Variants in MGST2 observed in about 807,000 individuals in gnomAD.
The protein encoded by MGST2 is microsomal glutathione S-transferase 2, also known as glutathione peroxidase MGST2.
Under a neutral mutation model 16.6 loss-of-function variants are expected in MGST2, and 9 were observed. The ratio of observed to expected loss-of-function variants is 0.54; its 90% CI spans 0.33 to 0.95. The LOEUF (loss-of-function observed/expected upper bound fraction) is 0.95, where lower values mean the gene tolerates loss of function less well. MGST2 is among the 40% of genes least tolerant of loss of function. The pLI is 0.03. For missense variants in MGST2, 159 were observed against 175.1 expected, an observed-to-expected ratio of 0.91 and a Z score of 0.52; for synonymous variants, 79 against 68.0, an observed-to-expected ratio of 1.16 and a Z score of -0.79.
chr4:139,744,675 G>A (rs1729266559), downstream of MGST2, among the ~76,000 whole-genome samples: 1 of 152,194 alleles, frequency 6.6e-6, no homozygotes, highest in Non-Finnish European at 1.5e-5. Context: ...GGGCTATGGT[G>A]GGACTCTCAG....
chr4:139,721,555 T>C (rs574505481), intron 5 of MGST2, among the ~76,000 whole-genome samples: 1 of 152,348 alleles, frequency 6.6e-6, no homozygotes, highest in African/African-American at 2.4e-5. Flanking sequence ...AACTGAAGCA[T>C]GTTTTTGTCT....
chr4:139,691,891 G>T (rs911615946), intron 2 of MGST2, among the ~76,000 whole-genome samples: 2 of 151,992 alleles, frequency 1.3e-5, no homozygotes, highest in Admixed American at 1.3e-4. Context: ...AAGTAGAGAC[G>T]GGGTTTCACC....
At chr4:139,734,222 T>C (rs532725304) in intron 5 of MGST2, among the ~76,000 whole-genome samples, 7 of 152,316 alleles carry the variant, frequency 4.6e-5, no homozygotes, top group African/African-American at 1.4e-4. Context: ...TAATGAGAAA[T>C]AGTCTGTCAA....
At chr4:139,687,345 C>T (rs1311216254) in intron 2 of MGST2, among the ~76,000 whole-genome samples, 8 of 152,280 alleles carry the variant, frequency 5.3e-5, no homozygotes, top group Admixed American at 6.5e-5. Context: ...GATTCTAAGG[C>T]GTAGGATAAA....
At chr4:139,699,543 T>C (rs1727121692) in intron 3 of MGST2, among the ~76,000 whole-genome samples, 1 of 152,238 alleles carries the variant, frequency 6.6e-6, no homozygotes. Flanking sequence ...GTGAGTTTTG[T>C]CACATTGTCA....
At chr4:139,687,944 A>G (rs1215766848) in intron 2 of MGST2, among the ~76,000 whole-genome samples, 1 of 152,204 alleles carries the variant, frequency 6.6e-6, no homozygotes, top group Admixed American at 6.5e-5. Flanking sequence ...TTCACCAAGG[A>G]CCATTCCTTT....
chr4:139,730,698 G>GATT (rs1314121322), intron 5 of MGST2: 19 of 1,586,892 alleles, frequency 1.2e-5, no homozygotes, highest in Non-Finnish European at 1.6e-5. Flanking sequence ...GAGATGCAGG[G>GATT]ATTCCCCATA....
chr4:139,696,364 T>C (rs1262921459), intron 3 of MGST2, among the ~76,000 whole-genome samples: 2 of 152,240 alleles, frequency 1.3e-5, no homozygotes. Context: ...TTAGTTTCAG[T>C]GCTTGTATCA....
intron 5 of MGST2, among the ~76,000 whole-genome samples, chr4:139,712,525 A>C (rs1727781371): frequency 6.6e-6 from 1 of 152,218 alleles, no homozygotes; most frequent in African/African-American, 2.4e-5. Context: ...TTTTTCACAC[A>C]GGCATTTTAA....
intron 5 of MGST2, among the ~76,000 whole-genome samples, chr4:139,709,692 G>T (rs1291254207): frequency 3.3e-5 from 5 of 152,178 alleles, no homozygotes; most frequent in African/African-American, 7.2e-5. Context: ...AGAGTTAAAG[G>T]ATCTGAAGAG....
At chr4:139,671,371 TATC>T (rs1452064185) in intron 1 of MGST2, among the ~76,000 whole-genome samples, 1 of 152,130 alleles carries the variant, frequency 6.6e-6, no homozygotes, top group African/African-American at 2.4e-5. Context: ...AGGAGATTAT[TATC>T]TAGAGGTTTT....
At chr4:139,684,027 G>A (rs1731415641) in intron 2 of MGST2, among the ~76,000 whole-genome samples, 2 of 146,034 alleles carry the variant, frequency 1.4e-5, no homozygotes, top group Non-Finnish European at 3.0e-5. Context: ...CCAGGTTCAA[G>A]CAATTCTTGT....
rs781752940 is a variant in MGST2 at position 139,725,792 on chromosome 4, T to C, written c.*49-14420T>C. 8.3e-5 allele frequency: 134 copies of C among 1,614,006 alleles called. 1 individual carries two copies. The East Asian group carries it at 2.7e-3, about 32-fold the overall frequency. ...CTGCTGCACTGGGTATGGATTCCGC[T>C]GTGGCTGGAGGTGCTGCCGGGGTAG... On this transcript the variant is annotated intron_variant, in intron 5 of 5. Coordinates refer to the MGST2 transcript ENST00000616265.
intron 2 of MGST2, among the ~76,000 whole-genome samples, chr4:139,690,132 C>T (rs1346136713): frequency 1.3e-5 from 2 of 152,078 alleles, no homozygotes; most frequent in African/African-American, 4.8e-5. Flanking sequence ...GCTGGGACTA[C>T]AGGCACGCAC....
chr4:139,709,258 AT>A (rs1226237898), intron 5 of MGST2, among the ~76,000 whole-genome samples: 4 of 151,294 alleles, frequency 2.6e-5, no homozygotes, highest in African/African-American at 7.3e-5. Flanking sequence ...AATTTTTTGT[AT>A]TTTTTAGTAG....
rs76195730 is a variant in MGST2 at position 139,711,013 on chromosome 4, C to CT, written c.*48+6830dup. 6.6e-3 allele frequency among the ~76,000 whole-genome samples: 940 copies of CT among 141,568 alleles called. 6 individuals carry two copies. Among genetic ancestry groups the CT allele is most frequent in the African/African-American group, 0.02 (757 of 38,786 alleles). 92.9% of individuals were successfully genotyped at this position (141,568 alleles called of 152,430 possible). ...AAATAGGGGGCTCCTTTATTTTTCC[C>CT]TTTTTTTTTTTTTGTTTTGAGACAG... On this transcript the variant is annotated intron_variant, in intron 5 of 5. Coordinates refer to the MGST2 transcript ENST00000616265.
At chr4:139,670,936 G>A (rs1168989912) in intron 1 of MGST2, among the ~76,000 whole-genome samples, 2 of 151,644 alleles carry the variant, frequency 1.3e-5, no homozygotes, top group African/African-American at 2.4e-5. Context: ...AAGAGGTCAT[G>A]TGATGCTATA....
the MGST2 span, among the ~76,000 whole-genome samples, chr4:139,748,831 T>G: frequency 6.6e-6 from 1 of 152,232 alleles, no homozygotes; most frequent in East Asian, 1.9e-4. Context: ...ACCAGGTATT[T>G]TGCCAGCGGC....
intron 3 of MGST2, among the ~76,000 whole-genome samples, chr4:139,696,011 A>AT (rs1232018038): frequency 6.6e-6 from 1 of 152,228 alleles, no homozygotes; most frequent in Non-Finnish European, 1.5e-5. Context: ...TGTTTTATGT[A>AT]TCATATACTG....
Sources: allele counts gnomAD v4.1 joint callset (sites outside exome capture counted in the v4.1 genomes callset), GRCh38; gene constraint gnomAD v4.1.1; transcripts MANE v1.5; gene names NCBI Gene and HGNC (gene_info 2026-07-23, HGNC 2026-07-21).